The following EYA2 variants were observed in gnomAD, a reference collection of about 807,000 sequenced individuals.
EYA2 encodes the protein protein phosphatase EYA2.
A neutral mutation model predicts 69.2 loss-of-function variants in EYA2; 31 were observed. The ratio of observed to expected loss-of-function variants is 0.45; its 90% CI spans 0.34 to 0.60. EYA2 has a LOEUF of 0.60. EYA2 is among the 20% of genes least tolerant of loss of function. The probability of loss-of-function intolerance (pLI) is 0.02; values close to 1 mark genes in which losing one functional copy is unlikely to be tolerated. For missense variants in EYA2, 622 were observed against 701.2 expected (o/e 0.89, Z 1.28); for synonymous variants, 257 against 279.4 (o/e 0.92, Z 0.80).
At chr20:47,148,122 A>G (rs2033746466) in intron 10 of EYA2, among the ~76,000 whole-genome samples, 1 of 152,012 alleles carries the variant, frequency 6.6e-6, no homozygotes, top group African/African-American at 2.4e-5. Context: ...ATGCAGCTGT[A>G]TCTTAGGATA....
chr20:47,153,318 G>A (rs138585597), intron 10 of EYA2, among the ~76,000 whole-genome samples: 4 of 151,906 alleles, frequency 2.6e-5, no homozygotes, highest in African/African-American at 7.2e-5. Flanking sequence ...AGGATGAAGC[G>A]TAGGTTTGTG....
chr20:47,039,035 A>G (rs1432938529), intron 5 of EYA2, among the ~76,000 whole-genome samples: 1 of 152,150 alleles, frequency 6.6e-6, no homozygotes, highest in African/African-American at 2.4e-5. Context: ...CTGAGCCGCA[A>G]GAGGCTTGGG....
chr20:47,054,627 A>G (rs59332111), intron 5 of EYA2, among the ~76,000 whole-genome samples: 2,361 of 152,038 alleles, frequency 0.016, 47 homozygotes, highest in African/African-American at 0.054. Context: ...AGCACCCAAC[A>G]CTTGACACCT....
intron 4 of EYA2, among the ~76,000 whole-genome samples, chr20:47,013,631 C>T (rs925140977): frequency 1.3e-5 from 2 of 152,176 alleles, no homozygotes; most frequent in Non-Finnish European, 2.9e-5. Context: ...TCCATCCCGT[C>T]ACTAAAACAG....
At chr20:46,920,938 T>C (rs1223161158) in intron 1 of EYA2, among the ~76,000 whole-genome samples, 1 of 152,260 alleles carries the variant, frequency 6.6e-6, no homozygotes, top group Non-Finnish European at 1.5e-5. Context: ...AATGCAGCTT[T>C]CCTTTCCATT....
At chr20:47,185,216 G>A (rs1391108409) in intron 15 of EYA2, among the ~76,000 whole-genome samples, 1 of 150,046 alleles carries the variant, frequency 6.7e-6, no homozygotes, top group East Asian at 2.0e-4. Flanking sequence ...GGTAAAGGCG[G>A]CTAGAACATT....
At chr20:47,052,290 G>C (rs1010002945) in intron 5 of EYA2, among the ~76,000 whole-genome samples, 2 of 152,218 alleles carry the variant, frequency 1.3e-5, no homozygotes, top group Non-Finnish European at 2.9e-5. Context: ...GGCTGCTTTA[G>C]CTGGAGTGGT....
chr20:46,996,890 G>A (rs1167029321), intron 2 of EYA2, among the ~76,000 whole-genome samples: 2 of 151,266 alleles, frequency 1.3e-5, no homozygotes, highest in African/African-American at 4.9e-5. Flanking sequence ...TGCGAAACTC[G>A]GTCTCAAAAA....
chr20:47,149,369 TC>T, intron 10 of EYA2, among the ~76,000 whole-genome samples: 1 of 152,150 alleles, frequency 6.6e-6, no homozygotes. Context: ...ATTTTCATTA[TC>T]AGCTCATCAC....
intron 2 of EYA2, among the ~76,000 whole-genome samples, chr20:46,995,765 G>C (rs1177305583): frequency 6.6e-6 from 1 of 152,162 alleles, no homozygotes; most frequent in Non-Finnish European, 1.5e-5. Context: ...CCCAGTGAGA[G>C]GTGAAAAAAG....
chr20:47,097,104 T>C lies in EYA2; in HGVS notation c.824T>C (p.Leu275Ser). The change falls in exon 9 of 16, where the codon TTG becomes TCG. Residue 275 changes from leucine to serine, a missense_variant. This residue lies in a region of EYA2 where 257 missense variants were observed against 351.5 expected (regional missense o/e 0.73). Coordinates refer to ENST00000327619, the MANE Select transcript of EYA2 (RefSeq NM_005244.5). ...NEIERVFVWDLDETIIIFHSL... is the reference protein window; with the variant it reads ...NEIERVFVWDSDETIIIFHSL... ...TCACAGCGTGTGTTCGTGTGGGACT[T>C]GGATGAGACAATAATTATTTTTCAC... is the stretch of plus-strand genomic sequence containing the variant. The C allele has an allele frequency of 6.2e-7, 1 of 1,610,724 alleles. No individual in the cohort carries two copies.
intron 5 of EYA2, among the ~76,000 whole-genome samples, chr20:47,049,801 AAC>A (rs1436234366): frequency 6.6e-6 from 1 of 151,782 alleles, no homozygotes; most frequent in African/African-American, 2.4e-5. Flanking sequence ...TCTGATGACA[AAC>A]ACAGTCCCAC....
chr20:46,985,514 G>A (rs1030950566), intron 1 of EYA2, among the ~76,000 whole-genome samples: 2 of 152,190 alleles, frequency 1.3e-5, no homozygotes, highest in East Asian at 1.9e-4. Context: ...AATAAGCTAC[G>A]TGACTGAGGC....
At chr20:47,164,796 A>G (rs1219579699) in intron 10 of EYA2, among the ~76,000 whole-genome samples, 1 of 152,194 alleles carries the variant, frequency 6.6e-6, no homozygotes, top group African/African-American at 2.4e-5. Flanking sequence ...AAGAAGAGAA[A>G]GGGAAGAGGA....
intron 1 of EYA2, among the ~76,000 whole-genome samples, chr20:46,898,444 C>A (rs1983926112): frequency 6.7e-6 from 1 of 148,548 alleles, no homozygotes; most frequent in Non-Finnish European, 1.5e-5. Context: ...TCACTCACTC[C>A]CAACCCTCTT....
chr20:47,172,837 A>T lies in EYA2; in HGVS notation c.1168A>T (p.Met390Leu), dbSNP rs1277120985. Residue 390 changes from methionine (M) to leucine (L), a missense_variant, in exon 12 of 16, where the codon ATG (methionine) becomes TTG (leucine). Transcript: ENST00000327619. ...CTTCCGCTACCGGCGGGTGAAGGAGATGTACAATACCTACAAGAACAACGT... is the reference window on the plus strand; with the variant it reads ...CTTCCGCTACCGGCGGGTGAAGGAGTTGTACAATACCTACAAGAACAACGT... ...LAFRYRRVKEMYNTYKNNVGG... is the reference protein window; with the variant it reads ...LAFRYRRVKELYNTYKNNVGG... The T allele has an allele frequency of 1.2e-6, 2 of 1,613,512 alleles. No individual in the cohort carries two copies. Among genetic ancestry groups the T allele is most frequent in the East Asian group, 2.2e-5 (1 of 44,882 alleles).
intron 9 of EYA2, among the ~76,000 whole-genome samples, chr20:47,100,511 T>A (rs1348499982): frequency 3.3e-5 from 5 of 152,192 alleles, no homozygotes; most frequent in Admixed American, 6.5e-5. Flanking sequence ...AGATTAGAGC[T>A]GGAAGGACTT....
chr20:46,966,782 T>C (rs956865319), intron 1 of EYA2, among the ~76,000 whole-genome samples: 16 of 151,074 alleles, frequency 1.1e-4, no homozygotes, highest in African/African-American at 3.9e-4. Flanking sequence ...GCCACTGCAC[T>C]CCAGCCTGGG....
chr20:47,064,761 T>G (rs1041396631), intron 5 of EYA2, among the ~76,000 whole-genome samples: 52 of 152,340 alleles, frequency 3.4e-4, no homozygotes, highest in African/African-American at 1.2e-3. Context: ...TCTGAGTTTC[T>G]GTAAACTGAA....
Sources: allele counts gnomAD v4.1 joint callset (sites outside exome capture counted in the v4.1 genomes callset), GRCh38; gene constraint gnomAD v4.1.1; regional missense constraint gnomAD v4.1.1; transcripts MANE v1.5; gene names NCBI Gene and HGNC (gene_info 2026-07-23, HGNC 2026-07-21).